PKN2: variants seen among roughly 807,000 people sequenced by gnomAD.
PKN2 encodes the protein serine/threonine-protein kinase N2.
A neutral mutation model predicts 119.1 loss-of-function variants in PKN2; 38 were observed. The observed-to-expected ratio is 0.32, with a 90% CI of 0.25 to 0.42. The LOEUF (loss-of-function observed/expected upper bound fraction) is 0.42, where lower values mean the gene tolerates loss of function less well. Ranked by LOEUF, PKN2 falls within the 10% of genes least tolerant of loss-of-function variation. PKN2 has a pLI of 1.00. For missense variants in PKN2, 850 were observed against 1,165.1 expected (o/e 0.73, Z 3.94); for synonymous variants, 390 against 384.9 (o/e 1.01, Z -0.15).
intron 3 of PKN2, 51 bp from the exon 4 acceptor site, chr1:88,770,301 T>A: frequency 9.5e-7 from 1 of 1,048,174 alleles, no homozygotes; most frequent in Non-Finnish European, 1.5e-6. Flanking sequence ...TAGGAAAATG[T>A]TTCATTTTTC....
intron 1 of PKN2, among the ~76,000 whole-genome samples, chr1:88,706,698 C>G (rs941540457): frequency 1.1e-4 from 16 of 152,098 alleles, no homozygotes; most frequent in Non-Finnish European, 2.2e-4. Flanking sequence ...GGATTTTTAT[C>G]TAATTATTTT....
intron 6 of PKN2, among the ~76,000 whole-genome samples, chr1:88,778,517 A>G (rs142623823): frequency 1.3e-5 from 2 of 152,264 alleles, no homozygotes; most frequent in Non-Finnish European, 2.9e-5. Flanking sequence ...TAGTTTCCCA[A>G]TAATATGTAG....
chr1:88,752,714 A>G lies in PKN2; in HGVS notation c.350-7508A>G, dbSNP rs561493870. ...TTAAAGTATCTTTTGTCTGTTATTAATATAGGTTGTGGGTTGAGGTTAGTG... is the reference window on the plus strand; with the variant it reads ...TTAAAGTATCTTTTGTCTGTTATTAGTATAGGTTGTGGGTTGAGGTTAGTG... On this transcript the variant is annotated intron_variant, in intron 2 of 21. Coordinates refer to ENST00000370521, the MANE Select transcript of PKN2 (RefSeq NM_006256.4). 2.6e-5 allele frequency among the ~76,000 whole-genome samples: 4 copies of G among 152,180 alleles called. 2 individuals are homozygous for G. Among genetic ancestry groups the G allele is most frequent in the African/African-American group, 9.6e-5 (4 of 41,554 alleles).
intron 8 of PKN2, among the ~76,000 whole-genome samples, chr1:88,793,387 C>T (rs986277149): frequency 1.2e-4 from 18 of 151,910 alleles, no homozygotes; most frequent in Admixed American, 1.3e-4. Flanking sequence ...TTGCACATTT[C>T]CAAAAAAGAT....
rs1219664976 is a variant in PKN2 at position 88,807,573 on chromosome 1, G to C, written c.1979G>C (p.Cys660Ser). 1 of 1,612,648 alleles carries C rather than the reference G, an allele frequency of 6.2e-7. No homozygotes were observed. The highest frequency in any genetic ancestry group is 2.2e-5 in the East Asian group (1 of 44,744). Reference sequence around the variant, plus strand: ...TTTAATCTACAAGATTTCAGGTGTTGTGCTGTCTTGGGAAGAGGACATTTT... The same window carrying C: ...TTTAATCTACAAGATTTCAGGTGTTCTGCTGTCTTGGGAAGAGGACATTTT... ...FQFNLQDFRC[C>S]AVLGRGHFGK... Residue 660 changes from cysteine (C) to serine (S), a missense_variant, in exon 14 of 22, where the codon TGT becomes TCT. Around this residue, in one of 9 missense-constraint regions of PKN2, gnomAD observed 216 missense variants for 252.8 expected, o/e 0.85. Transcript: ENST00000370521.
At chr1:88,684,910 C>G in intron 1 of PKN2, 2 of 370,986 alleles carry the variant, frequency 5.4e-6, no homozygotes, top group Non-Finnish European at 9.7e-6. Context: ...GGAGCCTGCT[C>G]TCGCCTGGTC....
At chr1:88,816,301 C>G (rs1438796412) in intron 16 of PKN2, among the ~76,000 whole-genome samples, 2 of 152,096 alleles carry the variant, frequency 1.3e-5, no homozygotes, top group East Asian at 3.9e-4. Flanking sequence ...GGCTGGAGTG[C>G]AGTGGCACCG....
intron 3 of PKN2, among the ~76,000 whole-genome samples, chr1:88,761,097 A>C (rs1011672960): frequency 2.6e-5 from 4 of 152,114 alleles, no homozygotes; most frequent in African/African-American, 9.7e-5. Context: ...TATAACTCCT[A>C]ACTGAAAATC....
intron 8 of PKN2, among the ~76,000 whole-genome samples, chr1:88,803,307 A>G (rs936569635): frequency 2.0e-5 from 3 of 152,190 alleles, no homozygotes; most frequent in African/African-American, 4.8e-5. Flanking sequence ...TCAACTAGAT[A>G]TATAATTTAA....
chr1:88,765,113 G>C (rs387162), intron 3 of PKN2, among the ~76,000 whole-genome samples: 1 of 151,992 alleles, frequency 6.6e-6, no homozygotes, highest in Non-Finnish European at 1.5e-5. Flanking sequence ...ATTGCTAGTA[G>C]AGATGGGGTT....
At chr1:88,699,762 C>G (rs1057172652) in intron 1 of PKN2, among the ~76,000 whole-genome samples, 4 of 148,044 alleles carry the variant, frequency 2.7e-5, no homozygotes, top group Non-Finnish European at 2.9e-5. Context: ...TGATATTGTT[C>G]CTTTTATTTT....
At chr1:88,721,313 C>T (rs1667671028) in intron 1 of PKN2, among the ~76,000 whole-genome samples, 1 of 152,024 alleles carries the variant, frequency 6.6e-6, no homozygotes, top group Non-Finnish European at 1.5e-5. Context: ...AAATTATGGC[C>T]ATTCTTGAAG....
chr1:88,713,999 T>TA (rs1452682223), intron 1 of PKN2, among the ~76,000 whole-genome samples: 1 of 152,232 alleles, frequency 6.6e-6, no homozygotes, highest in Non-Finnish European at 1.5e-5. Context: ...TTTCTACATA[T>TA]GGCTAGCCAG....
chr1:88,742,574 T>G (rs995976301), intron 2 of PKN2, among the ~76,000 whole-genome samples: 5 of 152,188 alleles, frequency 3.3e-5, no homozygotes, highest in Admixed American at 2.0e-4. Flanking sequence ...AAAGAACGCT[T>G]CAGCTCTTCA....
intron 19 of PKN2, among the ~76,000 whole-genome samples, 162 bp downstream of exon 19, chr1:88,828,785 CA>C (rs1465092379): frequency 2.0e-5 from 3 of 152,114 alleles, no homozygotes; most frequent in African/African-American, 7.2e-5. Context: ...GTAATACCTT[CA>C]ATAAAGATTT....
chr1:88,763,423 C>T (rs968793674), intron 3 of PKN2, among the ~76,000 whole-genome samples: 4 of 152,158 alleles, frequency 2.6e-5, no homozygotes, highest in African/African-American at 9.6e-5. Context: ...GCCTGACCAA[C>T]ATGGAGAAAT....
chr1:88,760,943 G>A (rs900982357), intron 3 of PKN2, among the ~76,000 whole-genome samples: 15 of 152,088 alleles, frequency 9.9e-5, no homozygotes, highest in Non-Finnish European at 2.1e-4. Context: ...TTATCTAAAA[G>A]AATTTAGTCT....
At position 88,805,534 on chromosome 1, in the gene PKN2, T is replaced by C. The variant is rs1243919184; in HGVS notation, c.1539T>C (p.Asn513=). The change falls in exon 11 of 22, where the codon AAT becomes AAC. Residue 513 remains asparagine (N), a synonymous_variant. Coordinates refer to ENST00000370521, the MANE Select transcript of PKN2 (RefSeq NM_006256.4). ...TFLRAPQMNI[N]IATWGRLVRR... ...TCAGAGCTCCTCAAATGAATATTAA[T>C]ATTGCCACTTGGGGAAGGCTAGTAA... 6.2e-7 allele frequency: 1 copy of C among 1,613,644 alleles called. No individual in the cohort carries two copies. The highest frequency in any genetic ancestry group is 8.5e-7 in the Non-Finnish European group (1 of 1,179,694).
intron 15 of PKN2, among the ~76,000 whole-genome samples, chr1:88,812,684 C>T (rs1440690857): frequency 6.6e-6 from 1 of 152,058 alleles, no homozygotes; most frequent in African/African-American, 2.4e-5. Context: ...TACAGGGAGC[C>T]ATGATGATAT....
Sources: gnomAD v4.1 joint callset for allele counts (sites outside exome capture counted in the v4.1 genomes callset) on GRCh38, gnomAD v4.1.1 for gene constraint, gnomAD v4.1.1 regional missense constraint, MANE v1.5 for transcripts, NCBI Gene and HGNC (gene_info 2026-07-23, HGNC 2026-07-21) for gene names.